The following TMEM184C variants were observed in gnomAD, a reference collection of about 807,000 sequenced individuals.
TMEM184C encodes the protein transmembrane protein 184C.
Under a neutral mutation model 54.5 loss-of-function variants are expected in TMEM184C, and 25 were observed. That is an observed-to-expected ratio of 0.46 (90% CI 0.33 to 0.64). The LOEUF (loss-of-function observed/expected upper bound fraction) is 0.64, where lower values mean the gene tolerates loss of function less well. Among genes scored for constraint, TMEM184C ranks in the 30% least tolerant of loss-of-function variants. The probability of loss-of-function intolerance (pLI) is 0.02; values close to 1 mark genes in which losing one functional copy is unlikely to be tolerated. For synonymous variants in TMEM184C, 148 were observed against 181.5 expected, an observed-to-expected ratio of 0.82 and a Z score of 1.49; for missense variants, 335 against 520.3, an observed-to-expected ratio of 0.64 and a Z score of 3.46.
At chr4:147,630,373 C>T (rs896755467) in intron 6 of TMEM184C, among the ~76,000 whole-genome samples, 7 of 152,028 alleles carry the variant, frequency 4.6e-5, no homozygotes, top group Non-Finnish European at 5.9e-5. Flanking sequence ...CTAAAGTTTT[C>T]CCACATGTTC....
At chr4:147,624,482 A>G (rs1732773482) in intron 3 of TMEM184C, among the ~76,000 whole-genome samples, 1 of 152,216 alleles carries the variant, frequency 6.6e-6, no homozygotes, top group Admixed American at 6.5e-5. Flanking sequence ...TAAAGGAAAT[A>G]TCTTTAGCAG....
chr4:147,633,393 G>A (rs535607424), intron 8 of TMEM184C, among the ~76,000 whole-genome samples: 17 of 150,642 alleles, frequency 1.1e-4, no homozygotes, highest in African/African-American at 3.9e-4. Flanking sequence ...CCAGGCATTC[G>A]AGATCAGCCT....
Position 147,626,304 on chromosome 4 carries a change from C to G in TMEM184C, c.497+1295C>G, listed in dbSNP as rs547668071. ...CTATAGCTTTGGGAGAAACTATAAA[C>G]TAAGTTTCTCTCAAAGTTAGTTCAG... On this transcript the variant is annotated intron_variant, in intron 4 of 9. Transcript: ENST00000296582. Among the ~76,000 whole-genome samples the G allele has an allele frequency of 2.6e-5, 4 of 152,292 alleles. No individual in the cohort carries two copies. In the South Asian group the frequency reaches 8.3e-4, roughly 32 times the overall value.
intron 4 of TMEM184C, among the ~76,000 whole-genome samples, chr4:147,627,380 T>C (rs1325560681): frequency 1.3e-5 from 2 of 151,998 alleles, no homozygotes; most frequent in African/African-American, 4.8e-5. Context: ...AACCTCCACC[T>C]CCCATATTCA....
At position 147,629,667 on chromosome 4, in the gene TMEM184C, T is replaced by TTA. The variant is rs750268342; in HGVS notation, c.644_645dup (p.Ile216Ter). 6.3e-7 allele frequency: 1 copy of TTA among 1,591,756 alleles called. No individual in the cohort carries two copies. Among genetic ancestry groups the TTA allele is most frequent in the Non-Finnish European group, 8.5e-7 (1 of 1,171,098 alleles). ...TTTTCAAATGCTTGGACTTATTTGG[T>TTA]TATAATAAACAACATGTCACAGTTG... On this transcript the variant is annotated frameshift_variant, in exon 6 of 10. Coordinates refer to ENST00000296582, the MANE Select transcript of TMEM184C (RefSeq NM_018241.3). LOFTEE classifies it high-confidence loss of function.
rs543833826 is a variant in TMEM184C at position 147,632,837 on chromosome 4, T to C, written c.780-66T>C. ...CACTGGATTTTTTTTTAATGGCACA[T>C]TTTTAAAACTACTGCTCATTTTATG... is the stretch of plus-strand genomic sequence containing the variant. On this transcript the variant is annotated intron_variant, in intron 7 of 9. Transcript: ENST00000296582. The C allele has an allele frequency of 3.6e-4, 536 of 1,474,760 alleles. 7 individuals carry two copies. In the South Asian group the frequency reaches 5.8e-3, roughly 16 times the overall value. The allele number at this position is 1,474,760 out of a possible 1,614,324, so 91.4% of individuals were successfully genotyped here.
intron 1 of TMEM184C, among the ~76,000 whole-genome samples, chr4:147,623,291 A>G (rs1394694023): frequency 6.6e-6 from 1 of 152,020 alleles, no homozygotes; most frequent in African/African-American, 2.4e-5. Flanking sequence ...TACTAAAAAT[A>G]CAAAAAAATT....
At chr4:147,621,379 G>GA (rs1024449316) in intron 1 of TMEM184C, among the ~76,000 whole-genome samples, 1 of 151,588 alleles carries the variant, frequency 6.6e-6, no homozygotes, top group East Asian at 1.9e-4. Flanking sequence ...AGTTACCCAT[G>GA]AAAAAAAATC....
At chr4:147,621,183 A>C (rs1452829077) in intron 1 of TMEM184C, among the ~76,000 whole-genome samples, 1 of 151,602 alleles carries the variant, frequency 6.6e-6, no homozygotes, top group Non-Finnish European at 1.5e-5. Flanking sequence ...TTTTTTTTTA[A>C]CCTCAGCACA....
Position 147,635,607 on chromosome 4 carries a change from A to G in TMEM184C, c.*1173A>G, listed in dbSNP as rs1317611049. On this transcript the variant is annotated 3_prime_UTR_variant, in exon 10 of 10. Coordinates refer to ENST00000296582, the MANE Select transcript of TMEM184C (RefSeq NM_018241.3). ...GCCTTTGCTTTATGTATTTATACAC[A>G]TACTCATTCATATCTATCTATATAT... 2 of 152,210 alleles carry G rather than the reference A, an allele frequency of 1.3e-5. No homozygotes were observed. Among genetic ancestry groups the G allele is most frequent in the Non-Finnish European group, 2.9e-5 (2 of 68,020 alleles). 9.4% of individuals were successfully genotyped at this position (152,210 alleles called of 1,614,324 possible). A position where few individuals can be genotyped will look rare whatever the true frequency, so the allele number is the denominator to read the frequency against.
At chr4:147,632,327 A>G (rs1485568815) in intron 7 of TMEM184C, among the ~76,000 whole-genome samples, 6 of 152,192 alleles carry the variant, frequency 3.9e-5, no homozygotes, top group Admixed American at 2.6e-4. Flanking sequence ...ACATCTTGGT[A>G]AACCTGTGTC....
intron 4 of TMEM184C, among the ~76,000 whole-genome samples, chr4:147,625,249 G>A (rs1732791736): frequency 6.6e-6 from 1 of 152,122 alleles, no homozygotes; most frequent in South Asian, 2.1e-4. Flanking sequence ...AAGTATTGCA[G>A]GTAAAAACAG....
intron 6 of TMEM184C, 117 bp downstream of exon 6, chr4:147,629,809 T>A: frequency 1.9e-6 from 1 of 522,944 alleles, no homozygotes; most frequent in Non-Finnish European, 3.1e-6. Context: ...TCCTATAAAT[T>A]AAATCTGAAA....
intron 4 of TMEM184C, 86 bp from the exon 5 acceptor site, chr4:147,628,275 A>T: frequency 9.9e-7 from 1 of 1,013,418 alleles, no homozygotes; most frequent in Non-Finnish European, 1.5e-6. Flanking sequence ...ATCATTCATC[A>T]AAGTGATTTT....
At chr4:147,627,833 A>T (rs540801366) in intron 4 of TMEM184C, among the ~76,000 whole-genome samples, 5 of 145,814 alleles carry the variant, frequency 3.4e-5, no homozygotes, top group Non-Finnish European at 7.5e-5. Context: ...GGAGGTCAAG[A>T]GTAGCCTGGG....
rs1425289020 is a variant in TMEM184C, at chr4:147,635,349, T to TATTA, written c.*917_*920dup. The stretch of plus-strand genomic sequence containing the variant: ...AAAAAGTTCTACTTTTCATCAGTGC[T>TATTA]ATTAAAGGTGGCAGCAAATGTAAAT... On this transcript the variant is annotated 3_prime_UTR_variant, in exon 10 of 10. Transcript: ENST00000296582. 1.3e-5 allele frequency: 2 copies of TATTA among 152,292 alleles called. No homozygotes were observed. The highest frequency in any genetic ancestry group is 4.8e-5 in the African/African-American group (2 of 41,560). The allele number at this position is 152,292 out of a possible 1,614,324, so 9.4% of individuals were successfully genotyped here. A position where few individuals can be genotyped will look rare whatever the true frequency, so the allele number is the denominator to read the frequency against.
chr4:147,628,271 C>T (rs570288623), intron 4 of TMEM184C, 90 bp from the exon 5 acceptor site: 1 of 949,414 alleles, frequency 1.1e-6, no homozygotes, highest in East Asian at 2.4e-5. Flanking sequence ...TGGTATCATT[C>T]ATCAAAGTGA....
rs1732940792 is a variant in TMEM184C, at chr4:147,632,819, T to G, written c.780-84T>G. The G allele has an allele frequency of 1.7e-5, 19 of 1,101,550 alleles. No individual in the cohort carries two copies. In the South Asian group the frequency reaches 3.0e-4, roughly 18 times the overall value. The allele number at this position is 1,101,550 out of a possible 1,614,324, so 68.2% of individuals were successfully genotyped here. On this transcript the variant is annotated intron_variant, in intron 7 of 9. Transcript: ENST00000296582. ...GTGGTGGTACACAGGTTGCACTGGA[T>G]TTTTTTTTAATGGCACATTTTTAAA...
chr4:147,619,638 A>G (rs762336370), intron 1 of TMEM184C, among the ~76,000 whole-genome samples: 1 of 152,232 alleles, frequency 6.6e-6, no homozygotes, highest in Non-Finnish European at 1.5e-5. Context: ...TTACTTTGAA[A>G]TATTTCCGTG....
Sources: gnomAD v4.1 joint callset for allele counts (sites outside exome capture counted in the v4.1 genomes callset) on GRCh38, gnomAD v4.1.1 for gene constraint, MANE v1.5 for transcripts, NCBI Gene and HGNC (gene_info 2026-07-23, HGNC 2026-07-21) for gene names.